Variants in AGAP1 observed in about 807,000 individuals in gnomAD.
The protein encoded by AGAP1 is arf-GAP with GTPase, ANK repeat and PH domain-containing protein 1.
A neutral mutation model predicts 105.3 loss-of-function variants in AGAP1; 29 were observed. That is an observed-to-expected ratio of 0.28 (90% confidence interval 0.21 to 0.38). AGAP1 has a LOEUF of 0.38. Among genes scored for constraint, AGAP1 ranks in the 10% least tolerant of loss-of-function variants. The pLI is 1.00. For missense variants in AGAP1, 998 were observed against 1,165.1 expected, an observed-to-expected ratio of 0.86 and a Z score of 2.09; for synonymous variants, 509 against 485.9, an observed-to-expected ratio of 1.05 and a Z score of -0.63.
At chr2:235,698,862 A>G (rs1343055831) in intron 1 of AGAP1, among the ~76,000 whole-genome samples, 1 of 152,234 alleles carries the variant, frequency 6.6e-6, no homozygotes, top group Non-Finnish European at 1.5e-5. Flanking sequence ...CACTTTAGAT[A>G]GAAGCTCAGT....
intron 9 of AGAP1, among the ~76,000 whole-genome samples, chr2:235,838,947 G>A (rs1462143775): frequency 6.6e-6 from 1 of 152,046 alleles, no homozygotes; most frequent in African/African-American, 2.4e-5. Context: ...AAATGTTGCC[G>A]CTCGGGAATT....
At chr2:236,072,053 G>A (rs564455151) in intron 16 of AGAP1, among the ~76,000 whole-genome samples, 1 of 150,338 alleles carries the variant, frequency 6.7e-6, no homozygotes, top group Non-Finnish European at 1.5e-5. Flanking sequence ...CACATATCCT[G>A]TGGTTTTTCA....
intron 1 of AGAP1, among the ~76,000 whole-genome samples, chr2:235,506,041 C>T (rs1176160001): frequency 6.6e-6 from 1 of 151,364 alleles, no homozygotes; most frequent in Non-Finnish European, 1.5e-5. Context: ...AGTGATTCGC[C>T]TGCCTCAGCC....
At chr2:235,974,945 G>GT (rs1165414027) in intron 13 of AGAP1, among the ~76,000 whole-genome samples, 9 of 152,226 alleles carry the variant, frequency 5.9e-5, no homozygotes, top group Non-Finnish European at 1.2e-4. Flanking sequence ...GCAAGAAACT[G>GT]TAACGAGGAT....
Position 235,875,199 on chromosome 2 carries a change from G to GT in AGAP1, c.1051-8143dup, listed in dbSNP as rs2049657857. ...CCTTACTGGTCCATGGCCCTGTCCT[G>GT]TTTCTGTATCTGCCAACCAGAGAGC... On this transcript the variant is annotated intron_variant, in intron 9 of 17. Coordinates refer to ENST00000304032, the MANE Select transcript of AGAP1 (RefSeq NM_001037131.3). The surrounding 1 kb of genome is among the most constrained non-coding windows in gnomAD (Gnocchi z 4.0). 6.6e-6 allele frequency among the ~76,000 whole-genome samples: 1 copy of GT among 152,194 alleles called. No homozygotes were observed. Among genetic ancestry groups the GT allele is most frequent in the Admixed American group, 6.5e-5 (1 of 15,274 alleles).
chr2:235,510,755 T>C (rs1942035369), intron 1 of AGAP1, among the ~76,000 whole-genome samples: 3 of 152,050 alleles, frequency 2.0e-5, no homozygotes, highest in South Asian at 4.2e-4. Flanking sequence ...GCCCTCTGTG[T>C]CTCTTGGGCT....
chr2:235,800,179 T>C (rs867752682), intron 8 of AGAP1, among the ~76,000 whole-genome samples: 12 of 150,892 alleles, frequency 8.0e-5, no homozygotes, highest in African/African-American at 2.9e-4. Flanking sequence ...CAGTCATGGC[T>C]CACTGCAGCC....
chr2:235,601,595 C>A lies in AGAP1; in HGVS notation c.163+106746C>A, dbSNP rs915347663. Among the ~76,000 whole-genome samples, 13 of 152,120 alleles carry A rather than the reference C, an allele frequency of 8.5e-5. No individual in the cohort carries two copies. Among genetic ancestry groups the A allele is most frequent in the Non-Finnish European group, 1.6e-4 (11 of 68,030 alleles). ...GTGAGACTTATTTTCTACCACAGAA[C>A]AGAATAGGGGAACCCACCCCCAAGA... is the stretch of plus-strand genomic sequence containing the variant. On this transcript the variant is annotated intron_variant, in intron 1 of 17. Transcript: ENST00000304032. The surrounding 1 kb of genome is among the most constrained non-coding windows in gnomAD (Gnocchi z 4.4).
rs1944345387 is a variant in AGAP1 at position 235,566,326 on chromosome 2, C to A, written c.163+71477C>A. Among the ~76,000 whole-genome samples, 3 of 152,130 alleles carry A rather than the reference C, an allele frequency of 2.0e-5. No homozygotes were observed. The highest frequency in any genetic ancestry group is 4.4e-5 in the Non-Finnish European group (3 of 68,032). ...GGCTGGTCTCGAACTGCCTTGGCCT[C>A]CTAAAGTGTTGGGATTACAGATATA... On this transcript the variant is annotated intron_variant, in intron 1 of 17. Coordinates refer to ENST00000304032, the MANE Select transcript of AGAP1 (RefSeq NM_001037131.3). This position sits in a 1 kb window ranked among gnomAD's most constrained non-coding sequence, Gnocchi z 5.2.
intron 13 of AGAP1, among the ~76,000 whole-genome samples, chr2:236,032,529 T>A (rs1342836765): frequency 6.6e-6 from 1 of 152,162 alleles, no homozygotes; most frequent in Non-Finnish European, 1.5e-5. Context: ...CCCTGGCTGT[T>A]CCTTGATCTG....
chr2:235,617,640 T>C (rs1322511347), intron 1 of AGAP1, among the ~76,000 whole-genome samples: 1 of 152,142 alleles, frequency 6.6e-6, no homozygotes, highest in Non-Finnish European at 1.5e-5. Context: ...AGGCGGAGGT[T>C]GCAGTGAGCC....
chr2:235,908,046 T>G lies in AGAP1; in HGVS notation c.1156-692T>G, dbSNP rs1575751200. Among the ~76,000 whole-genome samples, 3 of 152,296 alleles carry G rather than the reference T, an allele frequency of 2.0e-5. No individual in the cohort carries two copies. The South Asian group carries it at 6.2e-4, about 32-fold the overall frequency. ...GGCCAGCAGGCCCATCCCCCGGCTC[T>G]CAGTTGCTTGTTCACCTTCCCCGTT... On this transcript the variant is annotated intron_variant, in intron 10 of 17. Transcript: ENST00000304032. This position sits in a 1 kb window ranked among gnomAD's most constrained non-coding sequence, Gnocchi z 4.4.
Position 235,958,275 on chromosome 2 carries a change from T to C in AGAP1, c.1484-10187T>C, listed in dbSNP as rs13428403. ...TTGGAGGTGTTTCTGGAGGGCCCTG[T>C]ACTCCCTGAAATCCAGGCTCCAGGG... On this transcript the variant is annotated intron_variant, in intron 12 of 17. Coordinates refer to ENST00000304032, the MANE Select transcript of AGAP1 (RefSeq NM_001037131.3). The surrounding 1 kb of genome is among the most constrained non-coding windows in gnomAD (Gnocchi z 4.1). Among the ~76,000 whole-genome samples the C allele has an allele frequency of 0.089, 13,542 of 151,990 alleles. 2,025 individuals are homozygous for C. Among genetic ancestry groups the C allele is most frequent in the African/African-American group, 0.31 (12,843 of 41,364 alleles).
At chr2:235,590,185 C>A (rs1238475574) in intron 1 of AGAP1, among the ~76,000 whole-genome samples, 5 of 152,114 alleles carry the variant, frequency 3.3e-5, no homozygotes, top group Admixed American at 3.3e-4. Context: ...CCGGCCCTTT[C>A]TTTTCTCTCA....
intron 8 of AGAP1, among the ~76,000 whole-genome samples, chr2:235,803,656 A>T (rs1224858044): frequency 6.6e-6 from 1 of 152,218 alleles, no homozygotes; most frequent in African/African-American, 2.4e-5. Context: ...TATAAAGTAC[A>T]CTGTAATGCA....
chr2:235,748,325 G>A (rs1177000427), intron 5 of AGAP1, among the ~76,000 whole-genome samples: 1 of 152,156 alleles, frequency 6.6e-6, no homozygotes, highest in Non-Finnish European at 1.5e-5. Flanking sequence ...GAAGCTGGGT[G>A]GATGCTATGT....
At chr2:235,572,127 C>A (rs931418372) in intron 1 of AGAP1, among the ~76,000 whole-genome samples, 1 of 150,588 alleles carries the variant, frequency 6.6e-6, no homozygotes, top group Non-Finnish European at 1.5e-5. Flanking sequence ...TGGGTCTGAA[C>A]TTTATTGAGC....
chr2:235,981,014 G>A lies in AGAP1; in HGVS notation c.1645+12391G>A, dbSNP rs2055069734. On this transcript the variant is annotated intron_variant, in intron 13 of 17. Transcript: ENST00000304032. This position sits in a 1 kb window ranked among gnomAD's most constrained non-coding sequence, Gnocchi z 5.5. ...TGTTATGCTCTTAATTCTGATTCTTGTCTTACGGATTGTCTTAGAATGATT... is the reference window on the plus strand; with the variant it reads ...TGTTATGCTCTTAATTCTGATTCTTATCTTACGGATTGTCTTAGAATGATT... Among the ~76,000 whole-genome samples the A allele has an allele frequency of 6.6e-6, 1 of 152,134 alleles. No individual in the cohort carries two copies. Among genetic ancestry groups the A allele is most frequent in the Non-Finnish European group, 1.5e-5 (1 of 68,008 alleles).
rs1270196512 is a variant in AGAP1 at position 236,078,922 on chromosome 2, G to C, written c.2114+29641G>C. Among the ~76,000 whole-genome samples the C allele has an allele frequency of 6.6e-6, 1 of 152,180 alleles. No homozygotes were observed. Among genetic ancestry groups the C allele is most frequent in the African/African-American group, 2.4e-5 (1 of 41,440 alleles). On this transcript the variant is annotated intron_variant, in intron 16 of 17. Coordinates refer to ENST00000304032, the MANE Select transcript of AGAP1 (RefSeq NM_001037131.3). This position sits in a 1 kb window ranked among gnomAD's most constrained non-coding sequence, Gnocchi z 5.3. ...GTTCTTCATTCCAGCAGAAGGTCCAGCCTCACACAGTGACCCAGTGGGCTT... is the reference window on the plus strand; with the variant it reads ...GTTCTTCATTCCAGCAGAAGGTCCACCCTCACACAGTGACCCAGTGGGCTT...
Sources: allele counts gnomAD v4.1 joint callset (sites outside exome capture counted in the v4.1 genomes callset), GRCh38; gene constraint gnomAD v4.1.1; non-coding constraint Gnocchi (gnomAD v3.1); transcripts MANE v1.5; gene names NCBI Gene and HGNC (gene_info 2026-07-23, HGNC 2026-07-21).